MGRN1: variants seen among roughly 807,000 people sequenced by gnomAD.
MGRN1 encodes the protein mahogunin ring finger 1.
A neutral mutation model predicts 69.2 loss-of-function variants in MGRN1; 29 were observed. The observed-to-expected ratio is 0.42, with a 90% CI of 0.31 to 0.57. MGRN1 has a LOEUF of 0.57. Ranked by LOEUF, MGRN1 falls within the 20% of genes least tolerant of loss-of-function variation. The probability of loss-of-function intolerance (pLI) is 0.15; values close to 1 mark genes in which losing one functional copy is unlikely to be tolerated. For missense variants in MGRN1, 998 were observed against 796.2 expected, an observed-to-expected ratio of 1.25 and a Z score of -3.05; for synonymous variants, 470 against 344.2, an observed-to-expected ratio of 1.37 and a Z score of -4.04.
intron 7 of MGRN1, 78 bp from the exon 8 acceptor site, chr16:4,668,187 C>A: frequency 1.5e-6 from 2 of 1,326,760 alleles, no homozygotes; most frequent in Non-Finnish European, 2.1e-6. Flanking sequence ...GGCAGGGTGG[C>A]CAACCCAGGC....
At chr16:4,637,346 C>T (rs1898354474) in intron 1 of MGRN1, among the ~76,000 whole-genome samples, 1 of 151,890 alleles carries the variant, frequency 6.6e-6, no homozygotes, top group Non-Finnish European at 1.5e-5. Context: ...AGGAGAATCG[C>T]TTGAACCTGG....
chr16:4,677,331 G>A lies in MGRN1; in HGVS notation c.956-132G>A, dbSNP rs147707833. ...AAAACTAAAAGAAAAAAAAAAGACC[G>A]TTGTGATCTGGAAGCGGGGTCACCC... is the stretch of plus-strand genomic sequence containing the variant. On this transcript the variant is annotated intron_variant, in intron 10 of 16. Coordinates refer to ENST00000262370, the MANE Select transcript of MGRN1 (RefSeq NM_015246.4). 746 of 488,352 alleles carry A rather than the reference G, an allele frequency of 1.5e-3. 3 individuals carry two copies. The highest frequency in any genetic ancestry group is 0.014 in the African/African-American group (678 of 49,762). The allele number at this position is 488,352 out of a possible 1,614,324, so 30.3% of individuals were successfully genotyped here.
intron 2 of MGRN1, chr16:4,650,723 T>G: frequency 2.5e-6 from 1 of 395,562 alleles, no homozygotes; most frequent in Non-Finnish European, 4.5e-6. Context: ...AGAGCAGCCA[T>G]ACTGAATGGG....
At chr16:4,669,962 C>T (rs1266764684) in intron 8 of MGRN1, among the ~76,000 whole-genome samples, 1 of 134,776 alleles carries the variant, frequency 7.4e-6, no homozygotes, top group Non-Finnish European at 1.7e-5. Context: ...ACAGTTACTC[C>T]GTGTGTACTG....
intron 7 of MGRN1, among the ~76,000 whole-genome samples, chr16:4,666,365 CA>C (rs2078806194): frequency 6.6e-6 from 1 of 152,172 alleles, no homozygotes; most frequent in Non-Finnish European, 1.5e-5. Flanking sequence ...CTCCTGGCCT[CA>C]AGTGATCCTC....
intron 1 of MGRN1, among the ~76,000 whole-genome samples, chr16:4,627,310 T>G (rs1897727964): frequency 6.6e-6 from 1 of 152,238 alleles, no homozygotes; most frequent in Non-Finnish European, 1.5e-5. Flanking sequence ...CACCTAACAC[T>G]GTCCATTTTT....
At chr16:4,678,141 C>G (rs1470812317) in intron 11 of MGRN1, among the ~76,000 whole-genome samples, 1 of 152,224 alleles carries the variant, frequency 6.6e-6, no homozygotes, top group East Asian at 1.9e-4. Flanking sequence ...GCCACCGCCT[C>G]CACCCCGTGG....
At chr16:4,667,932 T>C (rs1343761491) in intron 7 of MGRN1, among the ~76,000 whole-genome samples, 1 of 152,158 alleles carries the variant, frequency 6.6e-6, no homozygotes, top group Non-Finnish European at 1.5e-5. Flanking sequence ...AGGAGGCCCT[T>C]GTCCATCATC....
intron 16 of MGRN1, chr16:4,686,249 C>G (rs1317524254): frequency 6.5e-7 from 1 of 1,542,824 alleles, no homozygotes; most frequent in Admixed American, 2.0e-5. Context: ...CTCTCCCCCT[C>G]TCCGCGCAGC....
chr16:4,688,472 A>T, intron 16 of MGRN1: 1 of 1,123,880 alleles, frequency 8.9e-7, no homozygotes, highest in Non-Finnish European at 1.1e-6. Context: ...CATCCCAGGA[A>T]ACCGGAACCA....
intron 1 of MGRN1, among the ~76,000 whole-genome samples, chr16:4,647,865 C>A (rs536793197): frequency 3.3e-5 from 5 of 152,256 alleles, no homozygotes; most frequent in Non-Finnish European, 7.4e-5. Context: ...AACCACTGTT[C>A]CTGGCAGTCA....
At chr16:4,664,818 C>T in intron 6 of MGRN1, 43 bp downstream of exon 6, 1 of 1,607,172 alleles carries the variant, frequency 6.2e-7, no homozygotes, top group Non-Finnish European at 8.5e-7. Context: ...GCAGGCCGTG[C>T]AGGGAGGAAG....
chr16:4,677,649 TC>T, intron 11 of MGRN1, 77 bp downstream of exon 11: 1 of 1,376,854 alleles, frequency 7.3e-7, no homozygotes, highest in Non-Finnish European at 1.0e-6. Flanking sequence ...GCCCAGACGG[TC>T]CAGCCAGCAG....
Position 4,681,369 on chromosome 16 carries a change from C to T in MGRN1, c.1132-181C>T, listed in dbSNP as rs116055906. ...GGGCATTTGGGCATCCAGCCCCGTG[C>T]TGGAGCTGATGGCTGAGGCAGGGAG... On this transcript the variant is annotated intron_variant, in intron 12 of 16. Transcript: ENST00000262370. 3.0e-4 allele frequency: 180 copies of T among 605,736 alleles called. 2 individuals are homozygous for T. In the African/African-American group the frequency reaches 3.2e-3, roughly 11 times the overall value. The allele number at this position is 605,736 out of a possible 1,614,324, so 37.5% of individuals were successfully genotyped here.
At chr16:4,686,241 C>T (rs1049223245) in intron 16 of MGRN1, 9 of 1,541,680 alleles carry the variant, frequency 5.8e-6, no homozygotes, top group African/African-American at 4.1e-5. Context: ...CCGTCTGTCT[C>T]TCCCCCTCTC....
At position 4,668,429 on chromosome 16, in the gene MGRN1, G is replaced by A. The variant is rs545316881; in HGVS notation, c.726+117G>A. 21 of 1,049,980 alleles carry A rather than the reference G, an allele frequency of 2.0e-5. 1 individual carries two copies. The highest frequency in any genetic ancestry group is 1.7e-4 in the East Asian group (7 of 40,032). The allele number at this position is 1,049,980 out of a possible 1,614,324, so 65.0% of individuals were successfully genotyped here. A position where few individuals can be genotyped will look rare whatever the true frequency, so the allele number is the denominator to read the frequency against. On this transcript the variant is annotated intron_variant, in intron 8 of 16. Transcript: ENST00000262370. ...TACACACGCACATATACTCATACAC[G>A]CTCATACACACTCATACACATTCAC...
Position 4,657,374 on chromosome 16 carries a change from C to A in MGRN1, c.561+11C>A, listed in dbSNP as rs569344633. The A allele has an allele frequency of 8.7e-6, 14 of 1,611,096 alleles. No individual in the cohort carries two copies. Among genetic ancestry groups the A allele is most frequent in the Non-Finnish European group, 1.2e-5 (14 of 1,177,460 alleles). On this transcript the variant is annotated intron_variant, in intron 5 of 16. Coordinates refer to ENST00000262370, the MANE Select transcript of MGRN1 (RefSeq NM_015246.4). ...TGGAAGGATGACGAGGTAATGCTGG[C>A]TGGGCGGCTCCTTGCCCTTCGCTCC...
intron 7 of MGRN1, among the ~76,000 whole-genome samples, chr16:4,666,849 C>A (rs1481593888): frequency 6.6e-6 from 1 of 152,186 alleles, no homozygotes; most frequent in Non-Finnish European, 1.5e-5. Flanking sequence ...TCTTGGCATC[C>A]CCAGAGCTGA....
chr16:4,683,195 T>A, intron 14 of MGRN1, 29 bp from the exon 15 acceptor site: 1 of 1,612,768 alleles, frequency 6.2e-7, no homozygotes, highest in Non-Finnish European at 8.5e-7. Context: ...CTCTCTGAGC[T>A]CTAGGCTACT....
Sources: gnomAD v4.1 joint callset for allele counts (sites outside exome capture counted in the v4.1 genomes callset) on GRCh38, gnomAD v4.1.1 for gene constraint, MANE v1.5 for transcripts, NCBI Gene and HGNC (gene_info 2026-07-23, HGNC 2026-07-21) for gene names.